The following RFFL variants were observed in gnomAD, a reference collection of about 807,000 sequenced individuals.
RFFL encodes ring finger and FYVE like domain containing E3 ubiquitin protein ligase, also known as E3 ubiquitin-protein ligase rififylin.
Under a neutral mutation model 40.4 loss-of-function variants are expected in RFFL, and 16 were observed. That is an observed-to-expected ratio of 0.40 (90% CI 0.27 to 0.60). RFFL has a LOEUF of 0.60. RFFL is among the 20% of genes least tolerant of loss of function. The pLI is 0.47. For missense variants in RFFL, 367 were observed against 451.7 expected (o/e 0.81, Z 1.70); for synonymous variants, 154 against 167.9 (o/e 0.92, Z 0.64).
At chr17:35,052,672 T>C (rs1241459331) in intron 1 of RFFL, among the ~76,000 whole-genome samples, 2 of 152,220 alleles carry the variant, frequency 1.3e-5, no homozygotes, top group Admixed American at 1.3e-4. Context: ...CAGTTATTCA[T>C]TCATTCATCC....
chr17:35,044,365 G>A (rs1272266834), intron 1 of RFFL, among the ~76,000 whole-genome samples: 1 of 152,202 alleles, frequency 6.6e-6, no homozygotes, highest in Non-Finnish European at 1.5e-5. Flanking sequence ...CAATGAGCCA[G>A]CGCACCTGGT....
chr17:35,057,685 ACT>A (rs2091268962), intron 1 of RFFL, among the ~76,000 whole-genome samples: 1 of 148,784 alleles, frequency 6.7e-6, no homozygotes, highest in Non-Finnish European at 1.5e-5. Context: ...TATAAAACCA[ACT>A]CTTCCATTTT....
At chr17:35,020,813 C>T (rs1397465661) in intron 3 of RFFL, among the ~76,000 whole-genome samples, 1 of 152,138 alleles carries the variant, frequency 6.6e-6, no homozygotes, top group Non-Finnish European at 1.5e-5. Context: ...CTTACCACTT[C>T]CAAGCCCCCC....
intron 1 of RFFL, among the ~76,000 whole-genome samples, chr17:35,030,968 C>G (rs1039458120): frequency 6.6e-6 from 1 of 151,998 alleles, no homozygotes; most frequent in East Asian, 1.9e-4. Context: ...TTGTTATCCA[C>G]ATTATAACAA....
Position 35,012,067 on chromosome 17 carries a change from A to G in RFFL, c.993T>C (p.Cys331=). ...DSPIDCVLLE[C]GHMVTCTKCG... is the part of the protein sequence containing the mutation. ...ACTTGGTACAGGTTACCATGTGGCC[A>G]CACTCCAGAAGAACACAGTCAATGG... Residue 331 remains cysteine (C), a synonymous_variant, in exon 7 of 7, where the codon TGT becomes TGC. Coordinates refer to ENST00000394597, the MANE Select transcript of RFFL (RefSeq NM_001017368.2). 5.6e-6 allele frequency: 9 copies of G among 1,614,216 alleles called. No homozygotes were observed. The highest frequency in any genetic ancestry group is 5.3e-5 in the African/African-American group (4 of 75,036).
chr17:35,085,704 AG>A (rs1343167913), intron 1 of RFFL, among the ~76,000 whole-genome samples: 2 of 152,242 alleles, frequency 1.3e-5, no homozygotes, highest in African/African-American at 4.8e-5. Flanking sequence ...CTGGGATTAC[AG>A]GAGTGAGCCA....
chr17:35,034,932 A>T (rs2091110931), intron 1 of RFFL, among the ~76,000 whole-genome samples: 1 of 152,178 alleles, frequency 6.6e-6, no homozygotes, highest in Non-Finnish European at 1.5e-5. Flanking sequence ...CTTGAAAGGC[A>T]TATAGCTCAA....
chr17:35,072,227 G>A (rs1597841827), intron 1 of RFFL, among the ~76,000 whole-genome samples: 1 of 151,210 alleles, frequency 6.6e-6, no homozygotes, highest in South Asian at 2.1e-4. Context: ...GTTGCAGTAA[G>A]CTGAGATTGC....
chr17:35,077,065 T>C (rs1264895146), intron 1 of RFFL: 1 of 171,398 alleles, frequency 5.8e-6, no homozygotes, highest in African/African-American at 2.4e-5. Flanking sequence ...AAAAATAAAA[T>C]ATATTAAAAT....
chr17:35,069,106 G>A (rs965587581), intron 1 of RFFL, among the ~76,000 whole-genome samples: 2 of 152,124 alleles, frequency 1.3e-5, no homozygotes, highest in African/African-American at 4.8e-5. Flanking sequence ...AAAAGATTCT[G>A]TAATTCAACT....
intron 1 of RFFL, among the ~76,000 whole-genome samples, chr17:35,058,883 G>A (rs918340860): frequency 2.0e-5 from 3 of 151,886 alleles, no homozygotes; most frequent in Non-Finnish European, 4.4e-5. Context: ...CTTGTATCTG[G>A]GCTATAATTG....
chr17:35,027,131 A>G (rs2091046374), intron 1 of RFFL, among the ~76,000 whole-genome samples: 1 of 152,184 alleles, frequency 6.6e-6, no homozygotes, highest in African/African-American at 2.4e-5. Flanking sequence ...TCTGACTCCA[A>G]ACCTAACATC....
chr17:35,044,673 C>T (rs1485337672), intron 1 of RFFL, among the ~76,000 whole-genome samples: 6 of 152,100 alleles, frequency 3.9e-5, no homozygotes, highest in Admixed American at 2.6e-4. Context: ...AAAGCAAATC[C>T]TTAGTGCTCA....
At chr17:35,054,184 A>G (rs2091246899) in intron 1 of RFFL, among the ~76,000 whole-genome samples, 1 of 152,216 alleles carries the variant, frequency 6.6e-6, no homozygotes, top group South Asian at 2.1e-4. Context: ...ACTATAGTGA[A>G]GCACTTTACC....
chr17:35,053,755 C>T (rs2091244328), intron 1 of RFFL, among the ~76,000 whole-genome samples: 1 of 152,178 alleles, frequency 6.6e-6, no homozygotes, highest in Non-Finnish European at 1.5e-5. Flanking sequence ...CCCCCACAAA[C>T]CATTCTATCT....
At chr17:35,024,994 A>T (rs2091032360) in intron 2 of RFFL, among the ~76,000 whole-genome samples, 2 of 152,152 alleles carry the variant, frequency 1.3e-5, no homozygotes, top group Non-Finnish European at 2.9e-5. Flanking sequence ...CCCCTCCAGA[A>T]GCTCTTGTTA....
At chr17:35,039,510 G>A (rs1421486682) in intron 1 of RFFL, among the ~76,000 whole-genome samples, 1 of 150,658 alleles carries the variant, frequency 6.6e-6, no homozygotes, top group African/African-American at 2.4e-5. Context: ...GAGCCACAAC[G>A]CCCAGCCAAT....
intron 1 of RFFL, among the ~76,000 whole-genome samples, chr17:35,059,246 C>T (rs2091278826): frequency 6.6e-6 from 1 of 151,782 alleles, no homozygotes; most frequent in South Asian, 2.1e-4. Flanking sequence ...CTGGAACTCC[C>T]GACCTCAGGT....
intron 1 of RFFL, among the ~76,000 whole-genome samples, chr17:35,078,194 G>C (rs1289386113): frequency 6.6e-6 from 1 of 151,838 alleles, no homozygotes; most frequent in African/African-American, 2.4e-5. Flanking sequence ...TTTGATCATA[G>C]TAAAATTTAA....
Sources: allele counts gnomAD v4.1 joint callset (sites outside exome capture counted in the v4.1 genomes callset), GRCh38; gene constraint gnomAD v4.1.1; transcripts MANE v1.5; gene names NCBI Gene and HGNC (gene_info 2026-07-23, HGNC 2026-07-21).